ALDH3A2: variants seen among roughly 807,000 people sequenced by gnomAD.
The protein encoded by ALDH3A2 is aldehyde dehydrogenase 3 family member A2.
Under a neutral mutation model 51.3 loss-of-function variants are expected in ALDH3A2, and 36 were observed. The observed-to-expected ratio is 0.70, with a 90% CI of 0.54 to 0.93. The LOEUF is 0.93. Among genes scored for constraint, ALDH3A2 ranks in the 40% least tolerant of loss-of-function variants. The pLI is 0.00. For synonymous variants in ALDH3A2, 199 were observed against 219.8 expected (o/e 0.91, Z 0.84); for missense variants, 552 against 603.1 (o/e 0.92, Z 0.89).
intron 5 of ALDH3A2, among the ~76,000 whole-genome samples, chr17:19,660,734 G>A (rs568543264): frequency 6.6e-6 from 1 of 152,158 alleles, no homozygotes; most frequent in South Asian, 2.1e-4. Flanking sequence ...TGTAACTACC[G>A]AACTTACTGT....
At chr17:19,649,404 G>A in intron 1 of ALDH3A2, 1 of 458,698 alleles carries the variant, frequency 2.2e-6, no homozygotes. Flanking sequence ...CTTATGATGT[G>A]TAGGAACTCT....
chr17:19,668,570 T>A (rs2085070007), intron 8 of ALDH3A2, among the ~76,000 whole-genome samples: 1 of 152,034 alleles, frequency 6.6e-6, no homozygotes. Context: ...GCTTTTTGTT[T>A]TTTGGTTTCC....
intron 9 of ALDH3A2, chr17:19,673,417 G>A (rs1365838454): frequency 8.6e-7 from 1 of 1,157,186 alleles, no homozygotes; most frequent in Non-Finnish European, 1.2e-6. Context: ...GAGGCTTAAG[G>A]GTTATTGAAA....
Position 19,651,791 on chromosome 17 carries a change from CT to C in ALDH3A2, c.385+15del. On this transcript the variant is annotated intron_variant, in intron 2 of 9. Coordinates refer to ENST00000176643, the MANE Select transcript of ALDH3A2 (RefSeq NM_000382.3). ...GCCATCGCTGCAGGTCTGGTGCCAC[CT>C]TATGTCTATATACCTTTTTAGGGAG... 1.9e-6 allele frequency: 3 copies of C among 1,606,752 alleles called. No individual in the cohort carries two copies. Among genetic ancestry groups the C allele is most frequent in the Non-Finnish European group, 2.6e-6 (3 of 1,173,342 alleles).
chr17:19,672,307 A>G lies in ALDH3A2; in HGVS notation c.1443+351A>G, dbSNP rs1471509284. 43 of 335,322 alleles carry G rather than the reference A, an allele frequency of 1.3e-4. 1 individual carries two copies. The South Asian group carries it at 1.4e-3, about 11-fold the overall frequency. The allele number at this position is 335,322 out of a possible 1,614,324, so 20.8% of individuals were successfully genotyped here. On this transcript the variant is annotated intron_variant, in intron 9 of 9. Coordinates refer to ENST00000176643, the MANE Select transcript of ALDH3A2 (RefSeq NM_000382.3). ...TTGCAGAATTCTGAGCTGTCTGATC[A>G]AAGGGTTAGCCCTTTGATCCTTTTG...
chr17:19,666,430 C>T (rs1018983307), intron 8 of ALDH3A2, among the ~76,000 whole-genome samples: 7 of 152,150 alleles, frequency 4.6e-5, no homozygotes, highest in Non-Finnish European at 8.8e-5. Flanking sequence ...GGTTCAGTCC[C>T]TGTCCTACTT....
intron 1 of ALDH3A2, among the ~76,000 whole-genome samples, chr17:19,650,513 G>A (rs1168448769): frequency 6.6e-6 from 1 of 151,902 alleles, no homozygotes; most frequent in Non-Finnish European, 1.5e-5. Flanking sequence ...GACTGCAGTG[G>A]TGCTCTTTTG....
intron 1 of ALDH3A2, among the ~76,000 whole-genome samples, chr17:19,650,608 C>T (rs2084802737): frequency 6.6e-6 from 1 of 152,106 alleles, no homozygotes; most frequent in East Asian, 1.9e-4. Flanking sequence ...CGCCCGCCAC[C>T]GTGCCCGGCT....
intron 7 of ALDH3A2, among the ~76,000 whole-genome samples, chr17:19,663,880 G>A (rs1457766832): frequency 6.6e-6 from 1 of 152,228 alleles, no homozygotes; most frequent in African/African-American, 2.4e-5. Context: ...CACACCCACT[G>A]TGTGGGACAA....
intron 9 of ALDH3A2, among the ~76,000 whole-genome samples, chr17:19,673,705 A>G (rs11204408): frequency 0.57 from 87,174 of 151,936 alleles, 25,662 homozygotes; most frequent in East Asian, 0.98. Flanking sequence ...GTGACAGAGC[A>G]AGACTCCGTC....
In ALDH3A2 at chr17:19,656,130, A is replaced by T. The variant is rs1036026102; in HGVS notation, c.472-236A>T. 5 of 537,330 alleles carry T rather than the reference A, an allele frequency of 9.3e-6. No homozygotes were observed. In the Admixed American group the frequency reaches 1.2e-4, roughly 13 times the overall value. 33.3% of individuals were successfully genotyped at this position (537,330 alleles called of 1,614,324 possible). ...AGTGTCTTTGTTGCTGAGCTCATGT[A>T]AAAAAACACTGGAGTCTCCAGATTA... On this transcript the variant is annotated intron_variant, in intron 3 of 9. Coordinates refer to ENST00000176643, the MANE Select transcript of ALDH3A2 (RefSeq NM_000382.3).
intron 4 of ALDH3A2, among the ~76,000 whole-genome samples, chr17:19,657,387 C>T (rs952002039): frequency 6.6e-6 from 1 of 152,196 alleles, no homozygotes; most frequent in African/African-American, 2.4e-5. Context: ...GAGTCTGTAC[C>T]GAACTCTGGT....
intron 7 of ALDH3A2, 126 bp downstream of exon 7, chr17:19,663,625 C>T (rs1463854880): frequency 8.7e-7 from 1 of 1,153,220 alleles, no homozygotes; most frequent in Non-Finnish European, 1.2e-6. Flanking sequence ...ATGTCAGAGT[C>T]CATCCACTAA....
intron 7 of ALDH3A2, among the ~76,000 whole-genome samples, chr17:19,663,852 C>T (rs1276414229): frequency 6.6e-6 from 1 of 152,226 alleles, no homozygotes; most frequent in African/African-American, 2.4e-5. Flanking sequence ...TGAATAACAG[C>T]CTGCACAAAA....
At chr17:19,671,235 T>C (rs1463013058) in intron 8 of ALDH3A2, among the ~76,000 whole-genome samples, 1 of 152,176 alleles carries the variant, frequency 6.6e-6, no homozygotes, top group Non-Finnish European at 1.5e-5. Flanking sequence ...GGGCCATGGA[T>C]GAATGAAGCC....
intron 9 of ALDH3A2, chr17:19,675,014 G>A (rs188020523): frequency 1.1e-3 from 168 of 153,960 alleles, no homozygotes; most frequent in Middle Eastern, 3.4e-3. Flanking sequence ...GGCATTGTGG[G>A]AGATGTGGGT....
chr17:19,663,376 G>A lies in ALDH3A2; in HGVS notation c.984G>A (p.Met328Ile), dbSNP rs72547572. Residue 328 changes from methionine to isoleucine, a missense_variant, in exon 7 of 10, where the codon ATG (methionine) becomes ATA (isoleucine). Coordinates refer to ENST00000176643, the MANE Select transcript of ALDH3A2 (RefSeq NM_000382.3). ...LTDVDPKTKV[M>I]QEEIFGPILP... ...ATGTTGATCCTAAAACCAAGGTGAT[G>A]CAAGAAGAAATTTTTGGACCAATTC... 6.2e-7 allele frequency: 1 copy of A among 1,614,070 alleles called. No homozygotes were observed. Among genetic ancestry groups the A allele is most frequent in the East Asian group, 2.2e-5 (1 of 44,892 alleles).
chr17:19,648,661 A>C, upstream of ALDH3A2: 6 of 439,274 alleles, frequency 1.4e-5, no homozygotes, highest in Non-Finnish European at 1.3e-5. Flanking sequence ...AGAGCCGGGG[A>C]GAGGGCGGGG....
intron 9 of ALDH3A2, among the ~76,000 whole-genome samples, chr17:19,673,450 G>C (rs1018044643): frequency 2.0e-5 from 3 of 151,940 alleles, no homozygotes; most frequent in Non-Finnish European, 4.4e-5. Context: ...GGGCGCAGTG[G>C]CTCACGCCTG....
Sources: allele counts gnomAD v4.1 joint callset (sites outside exome capture counted in the v4.1 genomes callset), GRCh38; gene constraint gnomAD v4.1.1; transcripts MANE v1.5; gene names NCBI Gene and HGNC (gene_info 2026-07-23, HGNC 2026-07-21).